Variants in DEGS2 observed in about 807,000 individuals in gnomAD.
DEGS2 encodes the protein delta 4-desaturase, sphingolipid 2, also known as sphingolipid delta(4)-desaturase/C4-monooxygenase DES2.
Under a neutral mutation model 23.8 loss-of-function variants are expected in DEGS2, and 19 were observed. The observed-to-expected ratio is 0.80, with a 90% confidence interval of 0.56 to 1.17. DEGS2 has a LOEUF of 1.17. DEGS2 is among the 50% of genes most tolerant of loss of function. DEGS2 has a pLI of 0.00. For missense variants in DEGS2, 390 were observed against 459.5 expected (o/e 0.85, Z 1.38); for synonymous variants, 218 against 213.7 (o/e 1.02, Z -0.18).
Position 100,144,110 on chromosome 14 carries a change from G to C in DEGS2, c.*2651C>G. ...AGCTGGCGGTGACAGCCGGCCCAGC[G>C]TGGCGCCACCACACACCGCAGAGCT... On this transcript the variant is annotated 3_prime_UTR_variant, in exon 3 of 3. Transcript: ENST00000305631. 3.1e-6 allele frequency: 1 copy of C among 322,720 alleles called. No homozygotes were observed. The highest frequency in any genetic ancestry group is 5.8e-6 in the Non-Finnish European group (1 of 171,784). 20.0% of individuals were successfully genotyped at this position (322,720 alleles called of 1,614,324 possible).
intron 2 of DEGS2, among the ~76,000 whole-genome samples, chr14:100,147,582 G>A (rs1471558360): frequency 1.3e-5 from 2 of 150,904 alleles, no homozygotes; most frequent in African/African-American, 4.9e-5. Flanking sequence ...GCCCGCAACT[G>A]CGCCACCACC....
chr14:100,144,155 C>G lies in DEGS2; in HGVS notation c.*2606G>C, dbSNP rs1295494783. The G allele has an allele frequency of 4.7e-6, 1 of 210,694 alleles. No individual in the cohort carries two copies. The highest frequency in any genetic ancestry group is 9.6e-6 in the Non-Finnish European group (1 of 104,306). 13.1% of individuals were successfully genotyped at this position (210,694 alleles called of 1,614,324 possible). A position where few individuals can be genotyped will look rare whatever the true frequency, so the allele number is the denominator to read the frequency against. Reference sequence around the variant, plus strand: ...AGAGCTGTCCAGGCACAGCTCCGTCCCCAGCGCTCATGGTGTTGAAACTGT... The same window carrying G: ...AGAGCTGTCCAGGCACAGCTCCGTCGCCAGCGCTCATGGTGTTGAAACTGT... On this transcript the variant is annotated 3_prime_UTR_variant, in exon 3 of 3. Transcript: ENST00000305631.
intron 1 of DEGS2, among the ~76,000 whole-genome samples, chr14:100,152,244 C>T (rs1197388636): frequency 6.6e-6 from 1 of 151,674 alleles, no homozygotes; most frequent in Non-Finnish European, 1.5e-5. Flanking sequence ...CAGAGGACGG[C>T]AGGATGGGAA....
At chr14:100,150,882 C>T (rs1318329607) in intron 1 of DEGS2, among the ~76,000 whole-genome samples, 1 of 152,192 alleles carries the variant, frequency 6.6e-6, no homozygotes, top group East Asian at 1.9e-4. Context: ...ACCAGCCCCT[C>T]ACCCGGCCCC....
intron 2 of DEGS2, among the ~76,000 whole-genome samples, chr14:100,148,058 G>A (rs1023475367): frequency 7.2e-5 from 11 of 152,290 alleles, no homozygotes; most frequent in Middle Eastern, 3.4e-3. Flanking sequence ...CACAGGCCAC[G>A]GCCCAGGCTT....
At chr14:100,159,453 C>T in intron 1 of DEGS2, 53 bp downstream of exon 1, 1 of 1,395,234 alleles carries the variant, frequency 7.2e-7, no homozygotes, top group Non-Finnish European at 9.4e-7. Flanking sequence ...GACGCGACTC[C>T]AGACGGGCCA....
At chr14:100,159,360 CCCCAGGGAGGGGAG>C in intron 1 of DEGS2, 132 bp downstream of exon 1, 2 of 616,968 alleles carry the variant, frequency 3.2e-6, no homozygotes, top group Non-Finnish European at 2.6e-6. Flanking sequence ...CGGCCGGGGA[CCCCAGGGAGGGGAG>C]CGGCAATGGC....
At chr14:100,151,228 C>T (rs546692426) in intron 1 of DEGS2, among the ~76,000 whole-genome samples, 27 of 152,364 alleles carry the variant, frequency 1.8e-4, no homozygotes, top group Admixed American at 9.8e-4. Flanking sequence ...GGTGCCAGCA[C>T]TCAGTAGGCA....
upstream of DEGS2, among the ~76,000 whole-genome samples, chr14:100,163,213 G>A (rs888517292): frequency 1.5e-4 from 23 of 151,816 alleles, no homozygotes; most frequent in African/African-American, 3.4e-4. Flanking sequence ...ATGCCGAGGC[G>A]GGTGGATTAT....
At chr14:100,149,800 A>T in intron 1 of DEGS2, 90 bp from the exon 2 acceptor site, 1 of 1,383,350 alleles carries the variant, frequency 7.2e-7, no homozygotes, top group Non-Finnish European at 9.9e-7. Context: ...GAGGGGTGAG[A>T]AGGTGGGAGT....
intron 1 of DEGS2, among the ~76,000 whole-genome samples, chr14:100,154,633 A>T (rs529101030): frequency 2.0e-5 from 3 of 152,386 alleles, no homozygotes; most frequent in East Asian, 3.9e-4. Flanking sequence ...GCAGAGCCAG[A>T]GGCAGGGCCT....
upstream of DEGS2, among the ~76,000 whole-genome samples, chr14:100,160,676 G>A (rs541843385): frequency 7.9e-5 from 12 of 152,322 alleles, no homozygotes; most frequent in African/African-American, 2.4e-4. Flanking sequence ...CCACAGGCTC[G>A]CACATAGTGA....
intron 1 of DEGS2, among the ~76,000 whole-genome samples, chr14:100,151,056 G>A (rs1324099502): frequency 1.1e-4 from 16 of 151,962 alleles, no homozygotes; most frequent in Admixed American, 9.8e-4. Flanking sequence ...AAGAGGCCTA[G>A]TGCAGGCGGG....
upstream of DEGS2, among the ~76,000 whole-genome samples, chr14:100,162,384 TAAATAATAA>T (rs1889760070): frequency 6.9e-6 from 1 of 145,466 alleles, no homozygotes; most frequent in African/African-American, 2.7e-5. Context: ...AATAAATAAA[TAAATAATAA>T]AATAAAATGA....
At chr14:100,159,329 G>A (rs1889710643) in intron 1 of DEGS2, among the ~76,000 whole-genome samples, 177 bp downstream of exon 1, 1 of 152,328 alleles carries the variant, frequency 6.6e-6, no homozygotes, top group Non-Finnish European at 1.5e-5. Flanking sequence ...ACCCGGCCAG[G>A]GTGGGGGACC....
chr14:100,166,225 CCCATCCAGGAGAGTG>C, the DEGS2 span, among the ~76,000 whole-genome samples: 1 of 106,116 alleles, frequency 9.4e-6, no homozygotes, highest in East Asian at 3.0e-4. Context: ...GTGGGGGAAG[CCCATCCAGGAGAGTG>C]GGGGGAGCCT....
At chr14:100,165,785 A>G in the DEGS2 span, among the ~76,000 whole-genome samples, 29 of 149,502 alleles carry the variant, frequency 1.9e-4, no homozygotes, top group Non-Finnish European at 4.0e-4. Context: ...GGTGCCCCGC[A>G]GGCGGCCCTG....
chr14:100,151,119 G>A (rs1262981158), intron 1 of DEGS2, among the ~76,000 whole-genome samples: 1 of 152,222 alleles, frequency 6.6e-6, no homozygotes, highest in Non-Finnish European at 1.5e-5. Flanking sequence ...CAATAGCAGG[G>A]GCCCACCAGC....
chr14:100,151,770 G>A (rs997995871), intron 1 of DEGS2, among the ~76,000 whole-genome samples: 3 of 152,220 alleles, frequency 2.0e-5, no homozygotes, highest in East Asian at 1.9e-4. Context: ...TGGGCCCCCC[G>A]GAAGCCCTGT....
Sources: gnomAD v4.1 joint callset for allele counts (sites outside exome capture counted in the v4.1 genomes callset) on GRCh38, gnomAD v4.1.1 for gene constraint, MANE v1.5 for transcripts, NCBI Gene and HGNC (gene_info 2026-07-23, HGNC 2026-07-21) for gene names.